MMP16: variants seen among roughly 807,000 people sequenced by gnomAD.
MMP16 encodes the protein matrix metallopeptidase 16, also known as matrix metalloproteinase-16.
A neutral mutation model predicts 67.8 loss-of-function variants in MMP16; 12 were observed. That is an observed-to-expected ratio of 0.18 (90% CI 0.11 to 0.29). The LOEUF (loss-of-function observed/expected upper bound fraction) is 0.29. MMP16 is among the 10% of genes least tolerant of loss of function. The probability of loss-of-function intolerance (pLI) is 1.00; values close to 1 mark genes in which losing one functional copy is unlikely to be tolerated. For synonymous variants in MMP16, 249 were observed against 255.9 expected, an observed-to-expected ratio of 0.97 and a Z score of 0.26; for missense variants, 475 against 765.7, an observed-to-expected ratio of 0.62 and a Z score of 4.48.
chr8:88,236,194 AC>A lies in MMP16; in HGVS notation c.133-38889del, dbSNP rs144428677. On this transcript the variant is annotated intron_variant, in intron 1 of 9. Coordinates refer to ENST00000286614, the MANE Select transcript of MMP16 (RefSeq NM_005941.5). ...GGAGAGGAGACAGAACAGCACAGTT[AC>A]AGGGCAGGGTGCTAGAATGGTTGAG... 2.3e-3 allele frequency among the ~76,000 whole-genome samples: 350 copies of A among 152,370 alleles called. 1 individual carries two copies. The highest frequency in any genetic ancestry group is 8.2e-3 in the African/African-American group (342 of 41,596).
chr8:88,091,696 A>T (rs1808940487), intron 6 of MMP16, among the ~76,000 whole-genome samples: 1 of 151,908 alleles, frequency 6.6e-6, no homozygotes, highest in Non-Finnish European at 1.5e-5. Context: ...GTAATCAATT[A>T]ATACGTCCCC....
chr8:88,157,981 T>A (rs1168555406), intron 4 of MMP16, among the ~76,000 whole-genome samples: 1 of 152,168 alleles, frequency 6.6e-6, no homozygotes, highest in African/African-American at 2.4e-5. Flanking sequence ...TTCATCCATG[T>A]CCCTACAAAG....
At chr8:88,186,201 T>C (rs562792073) in intron 3 of MMP16, 2 of 290,764 alleles carry the variant, frequency 6.9e-6, no homozygotes, top group South Asian at 1.4e-4. Flanking sequence ...GCATGTAATA[T>C]GTTAGAACAT....
intron 1 of MMP16, among the ~76,000 whole-genome samples, chr8:88,297,813 A>G (rs960257574): frequency 6.6e-6 from 1 of 152,178 alleles, no homozygotes; most frequent in Non-Finnish European, 1.5e-5. Context: ...TAACAAATAC[A>G]CCTCAGAGAG....
chr8:88,043,592 T>C (rs28988869), intron 9 of MMP16, among the ~76,000 whole-genome samples: 21 of 152,322 alleles, frequency 1.4e-4, no homozygotes, highest in Non-Finnish European at 2.9e-4. Flanking sequence ...CATTTTTGAA[T>C]GAAGAACTCT....
chr8:88,235,074 GAC>G (rs1377321003), intron 1 of MMP16, among the ~76,000 whole-genome samples: 1 of 152,102 alleles, frequency 6.6e-6, no homozygotes, highest in Non-Finnish European at 1.5e-5. Flanking sequence ...CAGGATCACT[GAC>G]ACAGAATAAT....
intron 4 of MMP16, among the ~76,000 whole-genome samples, chr8:88,160,413 A>G (rs947864215): frequency 3.3e-5 from 5 of 151,986 alleles, no homozygotes; most frequent in Admixed American, 3.3e-4. Context: ...GCTATTGTGA[A>G]TAGTGACGCA....
In MMP16 at chr8:88,033,365, G is replaced by A. The variant is rs1268567547; in HGVS notation, c.*8096C>T. The A allele has an allele frequency of 6.6e-6, 1 of 150,484 alleles. No homozygotes were observed. The highest frequency in any genetic ancestry group is 1.5e-5 in the Non-Finnish European group (1 of 67,622). The allele number at this position is 150,484 out of a possible 1,614,324, so 9.3% of individuals were successfully genotyped here. A position where few individuals can be genotyped will look rare whatever the true frequency, so the allele number is the denominator to read the frequency against. ...ATATTACCAGATAGCTTATATGGAT[G>A]TCATAAATCTGCATTATCATACTGA... On this transcript the variant is annotated 3_prime_UTR_variant, in exon 10 of 10. Coordinates refer to ENST00000286614, the MANE Select transcript of MMP16 (RefSeq NM_005941.5).
At chr8:88,127,840 T>C (rs950906615) in intron 4 of MMP16, among the ~76,000 whole-genome samples, 2 of 151,908 alleles carry the variant, frequency 1.3e-5, no homozygotes, top group African/African-American at 4.8e-5. Flanking sequence ...CACATCTAGA[T>C]TGTAGTTCCC....
chr8:88,230,603 T>C (rs755773225), intron 1 of MMP16, among the ~76,000 whole-genome samples: 1 of 151,750 alleles, frequency 6.6e-6, no homozygotes, highest in African/African-American at 2.4e-5. Flanking sequence ...CCCCATACTA[T>C]ATATTGATTC....
chr8:88,236,829 C>G (rs1232301888), intron 1 of MMP16, among the ~76,000 whole-genome samples: 2 of 91,268 alleles, frequency 2.2e-5, no homozygotes, highest in Non-Finnish European at 3.8e-5. Context: ...CTTTTCAGAG[C>G]TGGGCCACTG....
At chr8:88,089,639 G>T (rs1808900149) in intron 6 of MMP16, among the ~76,000 whole-genome samples, 1 of 151,892 alleles carries the variant, frequency 6.6e-6, no homozygotes, top group South Asian at 2.1e-4. Flanking sequence ...GATTCAGAAG[G>T]GTCTGACAGG....
At chr8:88,187,416 T>A (rs1211723636) in intron 2 of MMP16, among the ~76,000 whole-genome samples, 1 of 152,160 alleles carries the variant, frequency 6.6e-6, no homozygotes, top group Non-Finnish European at 1.5e-5. Flanking sequence ...ATTTTCATGA[T>A]TTGGGGGTAG....
At chr8:88,134,306 C>A (rs543250596) in intron 4 of MMP16, among the ~76,000 whole-genome samples, 1 of 151,702 alleles carries the variant, frequency 6.6e-6, no homozygotes, top group Non-Finnish European at 1.5e-5. Flanking sequence ...TTTCTTCACA[C>A]TTACATAGAT....
At chr8:88,223,763 C>A (rs1211847231) in intron 1 of MMP16, among the ~76,000 whole-genome samples, 2 of 151,314 alleles carry the variant, frequency 1.3e-5, no homozygotes, top group Non-Finnish European at 2.9e-5. Flanking sequence ...ATGGGTGCAG[C>A]ACACCAACAT....
chr8:88,122,073 C>G (rs1253040687), intron 4 of MMP16, among the ~76,000 whole-genome samples: 1 of 152,048 alleles, frequency 6.6e-6, no homozygotes, highest in African/African-American at 2.4e-5. Context: ...GAGGTCATCA[C>G]TACCCGGAGT....
intron 1 of MMP16, among the ~76,000 whole-genome samples, chr8:88,265,986 C>A (rs1810471077): frequency 6.6e-6 from 1 of 152,124 alleles, no homozygotes; most frequent in South Asian, 2.1e-4. Context: ...CTTAGAACTG[C>A]CTTGTCGATT....
intron 1 of MMP16, among the ~76,000 whole-genome samples, chr8:88,255,360 A>G (rs1198127363): frequency 6.6e-6 from 1 of 152,166 alleles, no homozygotes; most frequent in East Asian, 1.9e-4. Context: ...TGCCAGCACC[A>G]CACTTCCTGT....
At chr8:88,311,673 T>C (rs1811296823) in intron 1 of MMP16, among the ~76,000 whole-genome samples, 1 of 152,120 alleles carries the variant, frequency 6.6e-6, no homozygotes. Context: ...TAAATATAGA[T>C]GGATATAAAC....
Sources: allele counts gnomAD v4.1 joint callset (sites outside exome capture counted in the v4.1 genomes callset), GRCh38; gene constraint gnomAD v4.1.1; transcripts MANE v1.5; gene names NCBI Gene and HGNC (gene_info 2026-07-23, HGNC 2026-07-21).